PIP4K2A: variants seen among roughly 807,000 people sequenced by gnomAD.
PIP4K2A encodes phosphatidylinositol-5-phosphate 4-kinase type 2 alpha.
Under a neutral mutation model 42.9 loss-of-function variants are expected in PIP4K2A, and 14 were observed. The ratio of observed to expected loss-of-function variants is 0.33; its 90% CI spans 0.22 to 0.51. The LOEUF (loss-of-function observed/expected upper bound fraction) is 0.51, where lower values mean the gene tolerates loss of function less well. Ranked by LOEUF, PIP4K2A falls within the 20% of genes least tolerant of loss-of-function variation. The pLI, the probability that PIP4K2A is intolerant of heterozygous loss-of-function variation, is 0.97. For missense variants in PIP4K2A, 434 were observed against 519.8 expected (o/e 0.83, Z 1.61); for synonymous variants, 192 against 192.2 (o/e 1.00, Z 0.01).
intron 4 of PIP4K2A, among the ~76,000 whole-genome samples, chr10:22,577,956 T>C (rs529105039): frequency 3.3e-5 from 5 of 152,158 alleles, no homozygotes; most frequent in Non-Finnish European, 7.4e-5. Context: ...CACTAGATAT[T>C]TGGTGATAGG....
chr10:22,626,704 G>C (rs1332512451), intron 1 of PIP4K2A, among the ~76,000 whole-genome samples: 1 of 152,132 alleles, frequency 6.6e-6, no homozygotes, highest in East Asian at 1.9e-4. Context: ...GTAAAGTATA[G>C]GGGTGTGGTT....
chr10:22,665,583 A>G (rs1839329956), intron 1 of PIP4K2A, among the ~76,000 whole-genome samples: 1 of 149,122 alleles, frequency 6.7e-6, no homozygotes, highest in Non-Finnish European at 1.5e-5. Context: ...TTGAAACTAC[A>G]GAGGTGCACC....
intron 5 of PIP4K2A, among the ~76,000 whole-genome samples, chr10:22,571,922 T>G (rs1294454655): frequency 6.6e-6 from 1 of 152,258 alleles, no homozygotes; most frequent in African/African-American, 2.4e-5. Flanking sequence ...ACAATGCTAC[T>G]TGTCTCATTC....
chr10:22,602,394 T>TA (rs71395805), intron 3 of PIP4K2A, among the ~76,000 whole-genome samples: 31,450 of 101,096 alleles, frequency 0.31, 3,634 homozygotes, highest in Non-Finnish European at 0.39. Context: ...ACTCTGTCTA[T>TA]AAAAAAAAAA....
intron 4 of PIP4K2A, among the ~76,000 whole-genome samples, chr10:22,588,836 T>C (rs948137687): frequency 2.0e-5 from 3 of 152,180 alleles, no homozygotes; most frequent in Admixed American, 1.3e-4. Context: ...AGAAAAAGTA[T>C]AGATGTTGGA....
intron 1 of PIP4K2A, among the ~76,000 whole-genome samples, chr10:22,638,942 C>T (rs1341277348): frequency 3.9e-5 from 6 of 152,088 alleles, no homozygotes; most frequent in African/African-American, 1.4e-4. Flanking sequence ...TTGTTAGCAC[C>T]ACCCTGAGCA....
chr10:22,640,534 G>A (rs114043054), intron 1 of PIP4K2A, among the ~76,000 whole-genome samples: 151 of 152,286 alleles, frequency 9.9e-4, no homozygotes, highest in African/African-American at 3.1e-3. Context: ...AAAGGGCTCC[G>A]GGAGTGGATT....
chr10:22,568,018 G>A lies in PIP4K2A; in HGVS notation c.640-129C>T, dbSNP rs531497435. The A allele has an allele frequency of 9.8e-5, 78 of 795,792 alleles. 1 individual carries two copies. In the South Asian group the frequency reaches 1.0e-3, roughly 11 times the overall value. The allele number at this position is 795,792 out of a possible 1,614,324, so 49.3% of individuals were successfully genotyped here. On this transcript the variant is annotated intron_variant, in intron 5 of 9. Coordinates refer to ENST00000376573, the MANE Select transcript of PIP4K2A (RefSeq NM_005028.5). ...ACCCACTCTGCTTCGCAGCCCATGC[G>A]GAATGGGCTTCTCATCCCTCCCTGA...
At chr10:22,708,741 C>T (rs1833862309) in intron 1 of PIP4K2A, among the ~76,000 whole-genome samples, 1 of 152,156 alleles carries the variant, frequency 6.6e-6, no homozygotes, top group Non-Finnish European at 1.5e-5. Context: ...CAGTCTCAGG[C>T]AGCACTCCCA....
intron 1 of PIP4K2A, among the ~76,000 whole-genome samples, chr10:22,713,142 G>C (rs561505566): frequency 6.6e-6 from 1 of 152,290 alleles, no homozygotes; most frequent in East Asian, 1.9e-4. Flanking sequence ...CAACAGCTCC[G>C]ATCATGTTTC....
intron 7 of PIP4K2A, among the ~76,000 whole-genome samples, chr10:22,545,018 C>G (rs1836227457): frequency 1.3e-5 from 2 of 152,350 alleles, no homozygotes; most frequent in South Asian, 4.1e-4. Flanking sequence ...CTTTCCCAAG[C>G]AAGGCAGCCC....
chr10:22,676,609 C>G (rs1327001581), intron 1 of PIP4K2A, among the ~76,000 whole-genome samples: 1 of 152,142 alleles, frequency 6.6e-6, no homozygotes, highest in Non-Finnish European at 1.5e-5. Flanking sequence ...GAGGGAATAT[C>G]TGGCTCAGTG....
At chr10:22,564,173 T>C (rs7075634) in intron 6 of PIP4K2A, among the ~76,000 whole-genome samples, 86,881 of 152,052 alleles carry the variant, frequency 0.57, 25,775 homozygotes, top group South Asian at 0.78. Context: ...GGAAGATAGG[T>C]AAGTGAATGT....
chr10:22,607,936 T>C lies in PIP4K2A; in HGVS notation c.330A>G (p.Gln110=), dbSNP rs772462480. ...NLRERFGIDD[Q]DFQNSLTRSA... is the part of the protein sequence containing the mutation. Reference sequence around the variant, plus strand: ...TACAAACGCAACTCACCTGGAAATCTTGATCATCAATTCCAAACCTCTCCC... The same window carrying C: ...TACAAACGCAACTCACCTGGAAATCCTGATCATCAATTCCAAACCTCTCCC... The change falls in exon 3 of 10, where the codon CAA becomes CAG. Residue 110 remains glutamine (Q), a synonymous_variant. Coordinates refer to ENST00000376573, the MANE Select transcript of PIP4K2A (RefSeq NM_005028.5). 2.1e-5 allele frequency: 34 copies of C among 1,610,254 alleles called. No individual in the cohort carries two copies. The highest frequency in any genetic ancestry group is 1.8e-4 in the East Asian group (8 of 44,850).
intron 1 of PIP4K2A, among the ~76,000 whole-genome samples, chr10:22,678,179 G>C (rs1483803648): frequency 6.6e-6 from 1 of 151,658 alleles, no homozygotes; most frequent in African/African-American, 2.4e-5. Flanking sequence ...TGTCTTCTCA[G>C]TGTTACCCCT....
chr10:22,612,801 G>A (rs914116268), intron 1 of PIP4K2A, among the ~76,000 whole-genome samples: 8 of 152,156 alleles, frequency 5.3e-5, no homozygotes, highest in African/African-American at 1.7e-4. Context: ...AACTTCATGC[G>A]CTCTTGGGAC....
intron 1 of PIP4K2A, among the ~76,000 whole-genome samples, chr10:22,672,235 A>T (rs1349099313): frequency 6.7e-6 from 1 of 148,410 alleles, no homozygotes; most frequent in Admixed American, 6.7e-5. Context: ...AGCATCCTGA[A>T]AACAAGGTTC....
intron 1 of PIP4K2A, among the ~76,000 whole-genome samples, chr10:22,666,122 CT>C (rs59722733): frequency 0.028 from 4,191 of 152,216 alleles, 175 homozygotes; most frequent in African/African-American, 0.096. Context: ...TTATTTTCCC[CT>C]AACTCCAATA....
chr10:22,574,535 T>A (rs1291249873), intron 4 of PIP4K2A, among the ~76,000 whole-genome samples: 5 of 151,970 alleles, frequency 3.3e-5, no homozygotes, highest in African/African-American at 1.2e-4. Context: ...ATACTGTTAA[T>A]AATCAATTCT....
Sources: allele counts gnomAD v4.1 joint callset (sites outside exome capture counted in the v4.1 genomes callset), GRCh38; gene constraint gnomAD v4.1.1; transcripts MANE v1.5; gene names NCBI Gene and HGNC (gene_info 2026-07-23, HGNC 2026-07-21).